Variants in FAT1 observed in about 807,000 individuals in gnomAD.
FAT1 encodes protocadherin Fat 1.
FAT1 carries 171 observed loss-of-function variants against 329.8 expected under a neutral mutation model. The ratio of observed to expected loss-of-function variants is 0.52; its 90% CI spans 0.46 to 0.59. The LOEUF is 0.59. Among genes scored for constraint, FAT1 ranks in the 20% least tolerant of loss-of-function variants. The probability of loss-of-function intolerance (pLI) is 0.00; values close to 1 mark genes in which losing one functional copy is unlikely to be tolerated. For missense variants in FAT1, 5,672 were observed against 5,774.4 expected (o/e 0.98, Z 0.57); for synonymous variants, 2,233 against 2,228.6 (o/e 1.00, Z -0.06).
chr4:186,600,165 G>T lies in FAT1; in HGVS notation c.11836C>A (p.Leu3946Met), dbSNP rs1301384361. 1 of 1,614,056 alleles carries T rather than the reference G, an allele frequency of 6.2e-7. No individual in the cohort carries two copies. The highest frequency in any genetic ancestry group is 1.7e-5 in the Admixed American group (1 of 60,018). The change falls in exon 22 of 27, where the codon CTG becomes ATG. Residue 3946 changes from leucine to methionine, a missense_variant. Physicochemically the swap from Leu to Met is conservative, Grantham distance 15. Coordinates refer to ENST00000441802, the MANE Select transcript of FAT1 (RefSeq NM_005245.4). The stretch of plus-strand genomic sequence containing the variant: ...CCACCAAAAAACACATAGTTATCCA[G>T]GTTCAGGGTTTTCAGAGTCCCTGGG... ...TAPGTLKTLN[L>M]DNYVFFGGHI...
In FAT1 at chr4:186,617,117, T is replaced by A. The variant is rs74986565; in HGVS notation, c.8963A>T (p.Lys2988Ile). The A allele has an allele frequency of 4.5e-4, 719 of 1,613,966 alleles. 8 individuals carry two copies. The East Asian group carries it at 0.013, about 28-fold the overall frequency. ...GATAGTAAGAAGGTAATTGTCCCTT[T>A]TTTCCCTGTCTAGAGGTTTCTTCAC... ...VYVKKPLDRE[K>I]RDNYLLTITA... Residue 2988 changes from lysine to isoleucine, a missense_variant, in exon 11 of 27, where the codon AAA becomes ATA. By Grantham distance (102) the Lys-to-Ile change is moderately radical. Coordinates refer to ENST00000441802, the MANE Select transcript of FAT1 (RefSeq NM_005245.4).
intron 2 of FAT1, among the ~76,000 whole-genome samples, chr4:186,688,006 C>T (rs1211465822): frequency 6.6e-6 from 1 of 151,580 alleles, no homozygotes; most frequent in Non-Finnish European, 1.5e-5. Context: ...TTACATTTTC[C>T]CAGGCTTCTA....
intron 21 of FAT1, 131 bp from the exon 22 acceptor site, chr4:186,600,491 G>C: frequency 1.4e-6 from 1 of 690,698 alleles, no homozygotes. Flanking sequence ...GTACTACAGA[G>C]CACAGATTCA....
At chr4:186,687,845 C>T (rs925431033) in intron 2 of FAT1, among the ~76,000 whole-genome samples, 1 of 152,116 alleles carries the variant, frequency 6.6e-6, no homozygotes, top group African/African-American at 2.4e-5. Context: ...CAAAACTACA[C>T]GTTCAGTAAA....
At chr4:186,670,742 G>A (rs917368914) in intron 2 of FAT1, among the ~76,000 whole-genome samples, 2 of 152,068 alleles carry the variant, frequency 1.3e-5, no homozygotes, top group Non-Finnish European at 2.9e-5. Context: ...GTTCAAGGCC[G>A]GGTCAATAGT....
At chr4:186,651,347 G>C (rs1046405071) in intron 3 of FAT1, among the ~76,000 whole-genome samples, 7 of 152,098 alleles carry the variant, frequency 4.6e-5, no homozygotes, top group African/African-American at 1.7e-4. Context: ...ATGTGACTTA[G>C]AGATCATGGC....
chr4:186,671,274 C>A (rs1742713150), intron 2 of FAT1, among the ~76,000 whole-genome samples: 1 of 151,944 alleles, frequency 6.6e-6, no homozygotes, highest in African/African-American at 2.4e-5. Flanking sequence ...ATTTAAATAA[C>A]AATCTAATTC....
chr4:186,657,032 CAAAG>C (rs1741935597), intron 3 of FAT1, among the ~76,000 whole-genome samples: 1 of 151,958 alleles, frequency 6.6e-6, no homozygotes, highest in Admixed American at 6.6e-5. Flanking sequence ...AGACATCAGG[CAAAG>C]AAAGACAAGG....
At chr4:186,648,713 C>T (rs1294792991) in intron 3 of FAT1, among the ~76,000 whole-genome samples, 1 of 152,058 alleles carries the variant, frequency 6.6e-6, no homozygotes, top group Non-Finnish European at 1.5e-5. Flanking sequence ...CTGCTCGAGC[C>T]TTTTCCTGCA....
At chr4:186,626,935 AGAATGAAT>A (rs745536872) in intron 9 of FAT1, among the ~76,000 whole-genome samples, 1 of 64,738 alleles carries the variant, frequency 1.5e-5, no homozygotes. Flanking sequence ...ACCAGCCCAC[AGAATGAAT>A]GAATGAATGA....
intron 1 of FAT1, among the ~76,000 whole-genome samples, chr4:186,717,788 A>G (rs1478007941): frequency 1.3e-5 from 2 of 152,098 alleles, no homozygotes; most frequent in Non-Finnish European, 2.9e-5. Context: ...CTGTGTGTCT[A>G]TTTCTGGCAG....
intron 3 of FAT1, among the ~76,000 whole-genome samples, chr4:186,662,668 T>C (rs1367092457): frequency 1.3e-5 from 2 of 152,222 alleles, no homozygotes; most frequent in East Asian, 3.9e-4. Flanking sequence ...ACAATTCAAA[T>C]TCTTAGCAGC....
At chr4:186,632,694 C>A (rs1740650311) in intron 7 of FAT1, among the ~76,000 whole-genome samples, 1 of 152,094 alleles carries the variant, frequency 6.6e-6, no homozygotes, top group African/African-American at 2.4e-5. Flanking sequence ...AATTATCTAC[C>A]CATTTATTAA....
Position 186,621,424 on chromosome 4 carries a change from G to C in FAT1, c.5162C>G (p.Thr1721Ser), listed in dbSNP as rs2126525150. The change falls in exon 10 of 27, where the codon ACT becomes AGT. Residue 1721 changes from threonine to serine, a missense_variant. Physicochemically the swap from Thr to Ser is moderately conservative, Grantham distance 58. Transcript: ENST00000441802. ...DINPHSGTII[T>S]QKALDFETLP... ...AGTTTCAAAGTCCAGGGCTTTCTGAGTGATGATAGTTCCAGAATGTGGATT... is the reference window on the plus strand; with the variant it reads ...AGTTTCAAAGTCCAGGGCTTTCTGACTGATGATAGTTCCAGAATGTGGATT... The C allele has an allele frequency of 6.2e-7, 1 of 1,614,014 alleles. No individual in the cohort carries two copies.
chr4:186,637,148 T>G (rs1392003685), intron 4 of FAT1, among the ~76,000 whole-genome samples: 1 of 152,102 alleles, frequency 6.6e-6, no homozygotes, highest in African/African-American at 2.4e-5. Flanking sequence ...AAGAAACAGC[T>G]GCACCCCTGC....
intron 1 of FAT1, among the ~76,000 whole-genome samples, chr4:186,719,433 T>C (rs1745367625): frequency 6.6e-6 from 1 of 152,212 alleles, no homozygotes; most frequent in African/African-American, 2.4e-5. Flanking sequence ...CAGATTTGGG[T>C]ATAAAATCCC....
chr4:186,620,533 T>C lies in FAT1; in HGVS notation c.6053A>G (p.Asn2018Ser), dbSNP rs2126516572. The C allele has an allele frequency of 6.2e-7, 1 of 1,613,968 alleles. No homozygotes were observed. ...INEPLFYHIL[N>S]PDRRFKISRT... ...GCTTATTTTAAATCTGCGATCTGGG[T>C]TGAGGATGTGATAAAACAAAGGCTC... Residue 2018 changes from asparagine to serine, a missense_variant, in exon 10 of 27, where the codon AAC (asparagine) becomes AGC (serine). Physicochemically the swap from Asn to Ser is conservative, Grantham distance 46. Around this residue, in one of 2 missense-constraint regions of FAT1, gnomAD observed 3,966 missense variants for 3,915.2 expected, o/e 1.01. Coordinates refer to ENST00000441802, the MANE Select transcript of FAT1 (RefSeq NM_005245.4).
intron 1 of FAT1, among the ~76,000 whole-genome samples, chr4:186,714,640 C>T (rs755378437): frequency 2.0e-5 from 3 of 151,910 alleles, no homozygotes; most frequent in Non-Finnish European, 2.9e-5. Flanking sequence ...AGGGTCCAAA[C>T]GGGAGGCCCT....
chr4:186,590,478 G>T, intron 26 of FAT1: 1 of 1,045,866 alleles, frequency 9.6e-7, no homozygotes, highest in Non-Finnish European at 1.3e-6. Flanking sequence ...ATAAAGGTAA[G>T]TACACAGAAC....
Sources: allele counts gnomAD v4.1 joint callset (sites outside exome capture counted in the v4.1 genomes callset), GRCh38; gene constraint gnomAD v4.1.1; regional missense constraint gnomAD v4.1.1; transcripts MANE v1.5; gene names NCBI Gene and HGNC (gene_info 2026-07-23, HGNC 2026-07-21).